LOC128706665: variants seen among roughly 807,000 people sequenced by gnomAD.
the LOC128706665 span, among the ~76,000 whole-genome samples, chr20:10,428,596 G>A: frequency 6.6e-6 from 1 of 152,088 alleles, no homozygotes; most frequent in Non-Finnish European, 1.5e-5. Flanking sequence ...TCCAGCACTC[G>A]GGGAGGCTGA....
the LOC128706665 span, among the ~76,000 whole-genome samples, chr20:10,433,282 G>A: frequency 3.9e-5 from 6 of 152,214 alleles, no homozygotes; most frequent in Non-Finnish European, 7.3e-5. Flanking sequence ...GGGGTTACAG[G>A]GGTGAGCCAC....
chr20:10,433,863 C>T, the LOC128706665 span, among the ~76,000 whole-genome samples: 1 of 152,192 alleles, frequency 6.6e-6, no homozygotes, highest in South Asian at 2.1e-4. Flanking sequence ...TCCCCACCGG[C>T]GGGAAGACCT....
chr20:10,434,214 C>G, the LOC128706665 span: 1 of 152,274 alleles, frequency 6.6e-6, no homozygotes, highest in Non-Finnish European at 1.5e-5. Flanking sequence ...TCGCGTCGCG[C>G]GAGGGCACGG....
At chr20:10,433,909 A>G in the LOC128706665 span, among the ~76,000 whole-genome samples, 1 of 152,136 alleles carries the variant, frequency 6.6e-6, no homozygotes, top group Non-Finnish European at 1.5e-5. Context: ...CGCAACATTT[A>G]CCATCGGCAG....
chr20:10,432,759 C>T, the LOC128706665 span, among the ~76,000 whole-genome samples: 1 of 126,772 alleles, frequency 7.9e-6, no homozygotes. Flanking sequence ...GATCCAGCTT[C>T]AGCCTGCGCG....
chr20:10,432,475 A>T, the LOC128706665 span, among the ~76,000 whole-genome samples: 2 of 152,168 alleles, frequency 1.3e-5, no homozygotes, highest in Non-Finnish European at 2.9e-5. Context: ...ACCCAAATCC[A>T]GATGCTCAGG....
the LOC128706665 span, among the ~76,000 whole-genome samples, chr20:10,428,187 T>C: frequency 3.3e-5 from 5 of 152,218 alleles, no homozygotes; most frequent in Non-Finnish European, 2.9e-5. Context: ...ACAATGGTTG[T>C]AGTGGTTTAT....
the LOC128706665 span, among the ~76,000 whole-genome samples, chr20:10,419,596 T>G: frequency 6.6e-6 from 1 of 152,208 alleles, no homozygotes; most frequent in African/African-American, 2.4e-5. Context: ...TACATACCTA[T>G]GATAAAGTTC....
At chr20:10,431,191 C>G in the LOC128706665 span, among the ~76,000 whole-genome samples, 1 of 152,098 alleles carries the variant, frequency 6.6e-6, no homozygotes, top group African/African-American at 2.4e-5. Context: ...GAGGTTCCTG[C>G]TTGATCAAAG....
At chr20:10,431,502 A>G in the LOC128706665 span, among the ~76,000 whole-genome samples, 2 of 151,760 alleles carry the variant, frequency 1.3e-5, no homozygotes, top group East Asian at 1.9e-4. Flanking sequence ...TTAATAAAAC[A>G]TAACTCAATG....
the LOC128706665 span, among the ~76,000 whole-genome samples, chr20:10,424,680 T>C: frequency 6.6e-6 from 1 of 152,236 alleles, no homozygotes; most frequent in African/African-American, 2.4e-5. Flanking sequence ...AGCTTTTACT[T>C]ACAATCAAAC....
chr20:10,432,111 A>T, the LOC128706665 span, among the ~76,000 whole-genome samples: 78,439 of 152,032 alleles, frequency 0.52, 21,159 homozygotes, highest in Non-Finnish European at 0.6. Flanking sequence ...AGTTGAAGTT[A>T]GGCCCTTTCC....
chr20:10,424,706 A>G, the LOC128706665 span, among the ~76,000 whole-genome samples: 3 of 152,192 alleles, frequency 2.0e-5, no homozygotes, highest in African/African-American at 7.2e-5. Context: ...TTGGGGATAC[A>G]ATTTAAATTT....
the LOC128706665 span, among the ~76,000 whole-genome samples, chr20:10,419,770 T>C: frequency 6.6e-6 from 1 of 152,224 alleles, no homozygotes; most frequent in African/African-American, 2.4e-5. Context: ...ACTCACATCC[T>C]GCGTGGATGA....
At chr20:10,426,828 T>C in the LOC128706665 span, among the ~76,000 whole-genome samples, 34 of 151,912 alleles carry the variant, frequency 2.2e-4, no homozygotes, top group Non-Finnish European at 4.7e-4. Context: ...GGCAAAAGAG[T>C]CTATATCCTC....
At chr20:10,427,935 T>C in the LOC128706665 span, among the ~76,000 whole-genome samples, 2 of 152,238 alleles carry the variant, frequency 1.3e-5, no homozygotes, top group Non-Finnish European at 2.9e-5. Context: ...ACAGCGTAAC[T>C]GAGTCAGGAG....
chr20:10,414,457 G>C, the LOC128706665 span, among the ~76,000 whole-genome samples: 3 of 151,940 alleles, frequency 2.0e-5, no homozygotes, highest in African/African-American at 7.3e-5. Flanking sequence ...TAGAGATGGG[G>C]TTTCTCCATG....
chr20:10,433,423 T>C, the LOC128706665 span, among the ~76,000 whole-genome samples: 1 of 152,228 alleles, frequency 6.6e-6, no homozygotes, highest in African/African-American at 2.4e-5. Flanking sequence ...CAAGTCCCTC[T>C]TGGTCACTGC....
the LOC128706665 span, among the ~76,000 whole-genome samples, chr20:10,427,148 C>G: frequency 6.6e-6 from 1 of 151,472 alleles, no homozygotes; most frequent in Non-Finnish European, 1.5e-5. Flanking sequence ...ATCTAGCCAT[C>G]AGATTATTCT....
Sources: allele counts gnomAD v4.1 joint callset (sites outside exome capture counted in the v4.1 genomes callset), GRCh38; gene constraint gnomAD v4.1.1; transcripts MANE v1.5.